FOXP2: variants seen among roughly 807,000 people sequenced by gnomAD.
The protein encoded by FOXP2 is forkhead box P2.
A neutral mutation model predicts 115.8 loss-of-function variants in FOXP2; 12 were observed. The observed-to-expected ratio is 0.10, with a 90% confidence interval of 0.07 to 0.17. The LOEUF (loss-of-function observed/expected upper bound fraction) is 0.17, where lower values mean the gene tolerates loss of function less well. Among genes scored for constraint, FOXP2 ranks in the 10% least tolerant of loss-of-function variants. FOXP2 has a pLI of 1.00. For synonymous variants in FOXP2, 328 were observed against 297.7 expected, an observed-to-expected ratio of 1.10 and a Z score of -1.05; for missense variants, 629 against 843.5, an observed-to-expected ratio of 0.75 and a Z score of 3.15.
Position 114,690,185 on chromosome 7 carries a change from A to C in FOXP2, c.*259A>C, listed in dbSNP as rs1808591988. ...AAAACTGATTTTCTTGAAAAAAAAA[A>C]ATGAACTGTTCTTTCTATAATGGCT... is the stretch of plus-strand genomic sequence containing the variant. On this transcript the variant is annotated 3_prime_UTR_variant, in exon 17 of 17. Coordinates refer to ENST00000350908, the MANE Select transcript of FOXP2 (RefSeq NM_014491.4). The C allele has an allele frequency of 2.0e-6, 1 of 509,016 alleles. No individual in the cohort carries two copies. Among genetic ancestry groups the C allele is most frequent in the South Asian group, 1.7e-5 (1 of 57,864 alleles). 31.5% of individuals were successfully genotyped at this position (509,016 alleles called of 1,614,324 possible). A position where few individuals can be genotyped will look rare whatever the true frequency, so the allele number is the denominator to read the frequency against.
intron 3 of FOXP2, among the ~76,000 whole-genome samples, chr7:114,619,316 G>T (rs938772247): frequency 6.6e-6 from 1 of 151,918 alleles, no homozygotes; most frequent in African/African-American, 2.4e-5. Context: ...ACCAAAACGG[G>T]CATATTTTCA....
intron 2 of FOXP2, among the ~76,000 whole-genome samples, chr7:114,312,346 C>T (rs1361279675): frequency 2.0e-5 from 3 of 152,074 alleles, no homozygotes; most frequent in Non-Finnish European, 4.4e-5. Context: ...TTTATTTCTG[C>T]CTCTCTCTGT....
At chr7:114,390,159 C>G (rs1792557583) in intron 2 of FOXP2, among the ~76,000 whole-genome samples, 2 of 151,070 alleles carry the variant, frequency 1.3e-5, no homozygotes, top group African/African-American at 2.4e-5. Flanking sequence ...TTTTAAAAAG[C>G]ATGTATTATA....
At chr7:114,367,507 A>G (rs919434702) in intron 2 of FOXP2, among the ~76,000 whole-genome samples, 2 of 152,120 alleles carry the variant, frequency 1.3e-5, no homozygotes, top group Non-Finnish European at 2.9e-5. Flanking sequence ...CAGTATAAGT[A>G]ATAATAAGTT....
intron 1 of FOXP2, among the ~76,000 whole-genome samples, chr7:114,422,773 C>T (rs1266989333): frequency 6.6e-6 from 1 of 150,988 alleles, no homozygotes; most frequent in Non-Finnish European, 1.5e-5. Flanking sequence ...AGGATACATG[C>T]AGGTTTCTGT....
chr7:114,510,324 A>C (rs1396823517), intron 2 of FOXP2, among the ~76,000 whole-genome samples: 1 of 152,174 alleles, frequency 6.6e-6, no homozygotes, highest in Admixed American at 6.6e-5. Flanking sequence ...TTTGAAGGCC[A>C]GTATTTATTC....
chr7:114,217,270 G>C (rs955176978), intron 1 of FOXP2, among the ~76,000 whole-genome samples: 8 of 152,140 alleles, frequency 5.3e-5, no homozygotes, highest in African/African-American at 1.9e-4. Context: ...CATGGTCTGG[G>C]CTCTGGCCCT....
intron 2 of FOXP2, among the ~76,000 whole-genome samples, chr7:114,320,266 T>C (rs1453071429): frequency 1.3e-5 from 2 of 152,214 alleles, no homozygotes; most frequent in African/African-American, 4.8e-5. Context: ...CCAGAAGAAC[T>C]GGCCTCTTGC....
chr7:114,194,622 T>G (rs1282110500), intron 1 of FOXP2, among the ~76,000 whole-genome samples: 1 of 152,106 alleles, frequency 6.6e-6, no homozygotes, highest in Non-Finnish European at 1.5e-5. Flanking sequence ...ATATGACACG[T>G]TTTCTCCTCT....
At chr7:114,688,286 G>T in intron 16 of FOXP2, among the ~76,000 whole-genome samples, 2 of 137,306 alleles carry the variant, frequency 1.5e-5, no homozygotes, top group Non-Finnish European at 3.1e-5. Context: ...ATTTCAACAT[G>T]CCTGGTTCAA....
At chr7:114,653,737 A>C (rs1237265403) in intron 9 of FOXP2, among the ~76,000 whole-genome samples, 189 bp from the exon 10 acceptor site, 1 of 152,160 alleles carries the variant, frequency 6.6e-6, no homozygotes, top group East Asian at 1.9e-4. Flanking sequence ...AACATAAGAA[A>C]AGCTATAAAA....
At chr7:114,540,824 T>C (rs1799621681) in intron 3 of FOXP2, among the ~76,000 whole-genome samples, 2 of 152,066 alleles carry the variant, frequency 1.3e-5, no homozygotes, top group Admixed American at 1.3e-4. Context: ...GTAAGTAGTT[T>C]GTTTTGATCA....
At chr7:114,232,728 A>G (rs763827522) in intron 1 of FOXP2, among the ~76,000 whole-genome samples, 4 of 151,620 alleles carry the variant, frequency 2.6e-5, no homozygotes, top group Non-Finnish European at 4.4e-5. Context: ...CAGGAGAATC[A>G]CTTGAACCCG....
chr7:114,161,043 T>C (rs1792815877), upstream of FOXP2, among the ~76,000 whole-genome samples: 2 of 152,156 alleles, frequency 1.3e-5, no homozygotes, highest in Admixed American at 1.3e-4. Context: ...TTCAAAAAGC[T>C]TCCCTAAAGG....
Position 114,691,052 on chromosome 7 carries a change from T to A in FOXP2, c.*1126T>A, listed in dbSNP as rs1398071617. On this transcript the variant is annotated 3_prime_UTR_variant, in exon 17 of 17. Coordinates refer to ENST00000350908, the MANE Select transcript of FOXP2 (RefSeq NM_014491.4). ...AGGACAAAATCCGCAGTGGAAGTTA[T>A]GATATGCTAGAAAGCAACAAATGTG... 2.2e-6 allele frequency: 1 copy of A among 453,998 alleles called. No individual in the cohort carries two copies. The highest frequency in any genetic ancestry group is 4.4e-6 in the Non-Finnish European group (1 of 226,762). 28.1% of individuals were successfully genotyped at this position (453,998 alleles called of 1,614,324 possible).
At chr7:114,198,564 C>T (rs143352394) in intron 1 of FOXP2, among the ~76,000 whole-genome samples, 69 of 152,262 alleles carry the variant, frequency 4.5e-4, no homozygotes, top group African/African-American at 1.4e-3. Flanking sequence ...CTCGCACTTC[C>T]GTGGGAATCG....
chr7:114,400,829 G>A (rs1792871279), intron 2 of FOXP2, among the ~76,000 whole-genome samples: 1 of 152,100 alleles, frequency 6.6e-6, no homozygotes, highest in Non-Finnish European at 1.5e-5. Context: ...TGGCCCAGGG[G>A]TTGGGGACCC....
At chr7:114,368,593 T>C (rs968116090) in intron 2 of FOXP2, among the ~76,000 whole-genome samples, 6 of 152,088 alleles carry the variant, frequency 3.9e-5, no homozygotes, top group Admixed American at 1.3e-4. Context: ...TTTTTGAAAA[T>C]TATTACTCTC....
chr7:114,620,251 A>C (rs1318173315), intron 3 of FOXP2, among the ~76,000 whole-genome samples: 1 of 152,120 alleles, frequency 6.6e-6, no homozygotes, highest in African/African-American at 2.4e-5. Context: ...CCAAGCTTAG[A>C]AATAACAGCA....
Sources: gnomAD v4.1 joint callset for allele counts (sites outside exome capture counted in the v4.1 genomes callset) on GRCh38, gnomAD v4.1.1 for gene constraint, MANE v1.5 for transcripts, NCBI Gene and HGNC (gene_info 2026-07-23, HGNC 2026-07-21) for gene names.